The following SLC25A15 variants were observed in gnomAD, a reference collection of about 807,000 sequenced individuals.
SLC25A15 encodes solute carrier family 25 member 15.
Under a neutral mutation model 32.3 loss-of-function variants are expected in SLC25A15, and 24 were observed. The observed-to-expected ratio is 0.74, with a 90% confidence interval of 0.54 to 1.04. The LOEUF is 1.04. SLC25A15 is among the 50% of genes least tolerant of loss of function. The pLI, the probability that SLC25A15 is intolerant of heterozygous loss-of-function variation, is 0.00. For missense variants in SLC25A15, 317 were observed against 374.5 expected, an observed-to-expected ratio of 0.85 and a Z score of 1.27; for synonymous variants, 132 against 142.1, an observed-to-expected ratio of 0.93 and a Z score of 0.51.
chr13:40,795,065 G>T (rs1387379201), intron 2 of SLC25A15, among the ~76,000 whole-genome samples: 1 of 152,246 alleles, frequency 6.6e-6, no homozygotes, highest in Admixed American at 6.5e-5. Context: ...GCCAGTGGGG[G>T]TCTGCCCAGT....
intron 6 of SLC25A15, among the ~76,000 whole-genome samples, chr13:40,808,931 T>TAAA (rs1882321966): frequency 2.3e-5 from 1 of 42,802 alleles, no homozygotes; most frequent in African/African-American, 6.3e-5. Flanking sequence ...AGACTCTGTC[T>TAAA]CAAAAAAAAA....
chr13:40,807,275 T>A lies in SLC25A15; in HGVS notation c.453-19T>A. On this transcript the variant is annotated intron_variant, in intron 4 of 6. Transcript: ENST00000338625. ...TCCCACCTGCTGTAACCGTGCTATC[T>A]CTCTGTGTCTCCTCCCAGTACAGTG... 1 of 1,613,660 alleles carries A rather than the reference T, an allele frequency of 6.2e-7. No individual in the cohort carries two copies. The highest frequency in any genetic ancestry group is 1.1e-5 in the South Asian group (1 of 91,072).
chr13:40,793,380 T>G, intron 2 of SLC25A15, 99 bp downstream of exon 2: 2 of 1,065,162 alleles, frequency 1.9e-6, no homozygotes, highest in Non-Finnish European at 1.4e-6. Context: ...TACTGTACCT[T>G]TTCTGTGTTT....
chr13:40,808,729 C>G, intron 6 of SLC25A15, 133 bp downstream of exon 6: 1 of 678,828 alleles, frequency 1.5e-6, no homozygotes, highest in Non-Finnish European at 2.5e-6. Flanking sequence ...GTCAGGAGAT[C>G]GAGACCATCC....
At chr13:40,793,794 T>C (rs191256230) in intron 2 of SLC25A15, among the ~76,000 whole-genome samples, 10 of 152,128 alleles carry the variant, frequency 6.6e-5, no homozygotes, top group Admixed American at 5.2e-4. Flanking sequence ...GCTAGAGGAG[T>C]GTCCGTTATT....
In SLC25A15 at chr13:40,810,478, T is replaced by A. The variant is rs1204157379; in HGVS notation, c.*811T>A. Among the ~76,000 whole-genome samples the A allele has an allele frequency of 6.6e-6, 1 of 152,170 alleles. No individual in the cohort carries two copies. The highest frequency in any genetic ancestry group is 2.4e-5 in the African/African-American group (1 of 41,444). On this transcript the variant is annotated 3_prime_UTR_variant, in exon 7 of 7. Coordinates refer to ENST00000338625, the MANE Select transcript of SLC25A15 (RefSeq NM_014252.4). ...ATGCCCAGCCAGTGGTTGAATTTTT[T>A]AAAAAGTGTTCATGGGGTGCTTGAA...
chr13:40,802,452 A>G (rs1048587259), intron 3 of SLC25A15, among the ~76,000 whole-genome samples: 3 of 152,234 alleles, frequency 2.0e-5, no homozygotes, highest in Admixed American at 6.5e-5. Context: ...GCCTCTGGCC[A>G]TGGTACAGAA....
In SLC25A15 at chr13:40,811,098, T is replaced by C. The variant is rs1882430154; in HGVS notation, c.*1431T>C. On this transcript the variant is annotated 3_prime_UTR_variant, in exon 7 of 7. Coordinates refer to ENST00000338625, the MANE Select transcript of SLC25A15 (RefSeq NM_014252.4). ...TCCTGAAGCCTGTCTTGCCATGCTT[T>C]TACAGTGTTGGAGGCTTCTACATTT... 6.6e-6 allele frequency among the ~76,000 whole-genome samples: 1 copy of C among 152,238 alleles called. No individual in the cohort carries two copies. The highest frequency in any genetic ancestry group is 1.5e-5 in the Non-Finnish European group (1 of 68,040).
At chr13:40,805,011 C>G in intron 3 of SLC25A15, 107 bp from the exon 4 acceptor site, 4 of 1,363,674 alleles carry the variant, frequency 2.9e-6, no homozygotes, top group Admixed American at 3.4e-5. Flanking sequence ...GGTTCATGCC[C>G]TCACGCCCGG....
At chr13:40,793,907 T>C (rs778317954) in intron 2 of SLC25A15, among the ~76,000 whole-genome samples, 11 of 152,252 alleles carry the variant, frequency 7.2e-5, no homozygotes, top group Non-Finnish European at 1.5e-4. Flanking sequence ...GGCTGGGATA[T>C]GCAGGTGATG....
Position 40,799,225 on chromosome 13 carries a change from T to C in SLC25A15, c.224T>C (p.Ile75Thr). 1.2e-6 allele frequency: 2 copies of C among 1,614,222 alleles called. No individual in the cohort carries two copies. Among genetic ancestry groups the C allele is most frequent in the Non-Finnish European group, 1.7e-6 (2 of 1,180,036 alleles). The stretch of plus-strand genomic sequence containing the variant: ...ACCAGTCCAGCACTAATCGCCAACA[T>C]CGCTGAGAACTCAGTCCTCTTCATG... ...KGTSPALIAN[I>T]AENSVLFMCY... The change falls in exon 3 of 7, where the codon ATC becomes ACC. Residue 75 changes from isoleucine to threonine, a missense_variant. Physicochemically the swap from Ile to Thr is moderately conservative, Grantham distance 89. Transcript: ENST00000338625.
rs12585190 is a variant in SLC25A15, at chr13:40,810,565, C to T, written c.*898C>T. Reference sequence around the variant, plus strand: ...CCTGCATACTGGTGTGGCTTCCACACTTGAGTAAAAGCTTCAGAGTAGGTA... The same window carrying T: ...CCTGCATACTGGTGTGGCTTCCACATTTGAGTAAAAGCTTCAGAGTAGGTA... On this transcript the variant is annotated 3_prime_UTR_variant, in exon 7 of 7. Transcript: ENST00000338625. Among the ~76,000 whole-genome samples the T allele has an allele frequency of 0.024, 3,677 of 152,274 alleles. 187 individuals carry two copies. The highest frequency in any genetic ancestry group is 0.15 in the East Asian group (774 of 5,186).
At chr13:40,797,871 A>G (rs997484192) in intron 2 of SLC25A15, among the ~76,000 whole-genome samples, 1 of 152,164 alleles carries the variant, frequency 6.6e-6, no homozygotes, top group East Asian at 1.9e-4. Context: ...TCAGGTCCAG[A>G]AGGAGACGGT....
At chr13:40,791,350 C>A (rs1270489464) in intron 1 of SLC25A15, among the ~76,000 whole-genome samples, 1 of 136,648 alleles carries the variant, frequency 7.3e-6, no homozygotes, top group Non-Finnish European at 1.6e-5. Flanking sequence ...TTTTTATTTT[C>A]TATTATTATT....
chr13:40,797,280 C>T (rs1881697768), intron 2 of SLC25A15, among the ~76,000 whole-genome samples: 1 of 152,160 alleles, frequency 6.6e-6, no homozygotes, highest in South Asian at 2.1e-4. Context: ...AATGTGTATT[C>T]TAGTAACCTG....
intron 3 of SLC25A15, among the ~76,000 whole-genome samples, chr13:40,802,637 G>A (rs111609205): frequency 2.7e-4 from 41 of 150,524 alleles, no homozygotes; most frequent in African/African-American, 5.1e-4. Context: ...GTGCAGTGGC[G>A]CAATCTTAAC....
chr13:40,809,975 A>T lies in SLC25A15; in HGVS notation c.*308A>T. On this transcript the variant is annotated 3_prime_UTR_variant, in exon 7 of 7. Transcript: ENST00000338625. ...TAGTTCTGTCAGGGCTTTTACGTAA[A>T]CCTCCACTTGTACATGCAATTTGGA... is the stretch of plus-strand genomic sequence containing the variant. 2.7e-6 allele frequency: 1 copy of T among 375,758 alleles called. No homozygotes were observed. Among genetic ancestry groups the T allele is most frequent in the Non-Finnish European group, 5.0e-6 (1 of 198,182 alleles). 23.3% of individuals were successfully genotyped at this position (375,758 alleles called of 1,614,324 possible). A position where few individuals can be genotyped will look rare whatever the true frequency, so the allele number is the denominator to read the frequency against.
chr13:40,790,270 C>CA (rs1005018705), intron 1 of SLC25A15, among the ~76,000 whole-genome samples: 2 of 152,114 alleles, frequency 1.3e-5, no homozygotes, highest in East Asian at 1.9e-4. Context: ...CTCTCCCTTC[C>CA]AAAAAAAAGT....
intron 2 of SLC25A15, among the ~76,000 whole-genome samples, chr13:40,797,878 C>T (rs1337404175): frequency 2.0e-5 from 3 of 152,150 alleles, no homozygotes; most frequent in Non-Finnish European, 4.4e-5. Flanking sequence ...CAGAAGGAGA[C>T]GGTAAACACT....
Sources: gnomAD v4.1 joint callset for allele counts (sites outside exome capture counted in the v4.1 genomes callset) on GRCh38, gnomAD v4.1.1 for gene constraint, MANE v1.5 for transcripts, NCBI Gene and HGNC (gene_info 2026-07-23, HGNC 2026-07-21) for gene names.